KPNA7: variants seen among roughly 807,000 people sequenced by gnomAD.
KPNA7 encodes the protein karyopherin subunit alpha 7, also known as importin subunit alpha-8.
Under a neutral mutation model 53.7 loss-of-function variants are expected in KPNA7, and 54 were observed. That is an observed-to-expected ratio of 1.01 (90% CI 0.81 to 1.26). The LOEUF is 1.26. Among genes scored for constraint, KPNA7 ranks in the 50% most tolerant of loss-of-function variants. The pLI is 0.00. For missense variants in KPNA7, 640 were observed against 644.5 expected (o/e 0.99, Z 0.07); for synonymous variants, 276 against 259.3 (o/e 1.06, Z -0.62).
Position 99,195,070 on chromosome 7 carries a change from C to T in KPNA7, c.553G>A (p.Gly185Ser), listed in dbSNP as rs556130365. 12 of 1,551,118 alleles carry T rather than the reference C, an allele frequency of 7.7e-6. No homozygotes were observed. Among genetic ancestry groups the T allele is most frequent in the African/African-American group, 4.1e-5 (3 of 73,112 alleles). ...TAGCCCACTAAGGGGAGAGTCTCAC[C>T]GGCTATATTACCAAGAGCCCACACT... ...QAVWALGNIA[G>S]DGPEFRDNVI... Residue 185 changes from glycine to serine, a missense_variant and splice_region_variant, in exon 5 of 11, where the codon GGT becomes AGT. Transcript: ENST00000327442.
At chr7:99,168,665 A>AT (rs1032209149), downstream of KPNA7, among the ~76,000 whole-genome samples, 4 of 151,908 alleles carry the variant, frequency 2.6e-5, no homozygotes, top group African/African-American at 7.3e-5. Context: ...CATCCAGCTA[A>AT]TTTTTTTAAA....
At chr7:99,177,572 C>CAAAA (rs34717081) in intron 10 of KPNA7, among the ~76,000 whole-genome samples, 5 of 41,782 alleles carry the variant, frequency 1.2e-4, no homozygotes, top group African/African-American at 1.6e-4. Context: ...GAAACCATCT[C>CAAAA]AAAAAAAAAA....
chr7:99,213,430 TA>T (rs61231738), intron 1 of KPNA7, among the ~76,000 whole-genome samples: 33,897 of 72,596 alleles, frequency 0.47, 8,819 homozygotes, highest in East Asian at 0.65. Flanking sequence ...CCTGGCCTTT[TA>T]AAAAAAAAAA....
chr7:99,186,623 G>C (rs12532625), intron 7 of KPNA7, among the ~76,000 whole-genome samples: 2 of 151,788 alleles, frequency 1.3e-5, no homozygotes, highest in African/African-American at 4.8e-5. Context: ...CACACCTGTA[G>C]TCCCAGCTAC....
intron 8 of KPNA7, among the ~76,000 whole-genome samples, chr7:99,183,738 A>G (rs1227994571): frequency 3.3e-5 from 5 of 152,182 alleles, no homozygotes; most frequent in African/African-American, 1.2e-4. Context: ...ACTCCTGACT[A>G]TAGATGGTTT....
chr7:99,208,422 A>G (rs542194711), upstream of KPNA7, among the ~76,000 whole-genome samples: 43 of 151,828 alleles, frequency 2.8e-4, no homozygotes, highest in African/African-American at 9.9e-4. Context: ...CGCTCAGCAA[A>G]TTTTTTTGTA....
chr7:99,146,730 AAAAAAAAAAAAAAAAAAAC>A, the KPNA7 span, among the ~76,000 whole-genome samples: 1 of 132,626 alleles, frequency 7.5e-6, no homozygotes, highest in African/African-American at 3.1e-5. Context: ...AAAAAAAAAA[AAAAAAAAAAAAAAAAAAAC>A]AACGGAAAAT....
chr7:99,188,263 G>C (rs944290941), intron 7 of KPNA7, 37 bp downstream of exon 7: 2 of 1,521,270 alleles, frequency 1.3e-6, no homozygotes, highest in Non-Finnish European at 1.8e-6. Context: ...ACTATGACCC[G>C]AGGACTCGAA....
At chr7:99,150,570 A>G in the KPNA7 span, among the ~76,000 whole-genome samples, 1 of 151,654 alleles carries the variant, frequency 6.6e-6, no homozygotes, top group Non-Finnish European at 1.5e-5. Context: ...ATGCACCACT[A>G]CGCCTGGCTA....
chr7:99,214,383 CAGTG>C (rs2150788932), intron 1 of KPNA7, among the ~76,000 whole-genome samples: 2 of 150,940 alleles, frequency 1.3e-5, no homozygotes, highest in South Asian at 4.2e-4. Context: ...GCAGAGGTTA[CAGTG>C]AGCTGAGATC....
intron 9 of KPNA7, 66 bp downstream of exon 9, chr7:99,181,817 C>T (rs1337326702): frequency 4.6e-6 from 6 of 1,310,712 alleles, no homozygotes; most frequent in Non-Finnish European, 6.1e-6. Context: ...TTTTAAGAGC[C>T]ACATTAAATG....
chr7:99,184,154 CTT>C (rs34193595), intron 8 of KPNA7, among the ~76,000 whole-genome samples: 12,513 of 125,212 alleles, frequency 0.1, 581 homozygotes, highest in African/African-American at 0.16. Context: ...TGCCCACAAC[CTT>C]TTTTTTTTTT....
chr7:99,195,698 A>AT (rs1323185558), intron 4 of KPNA7, among the ~76,000 whole-genome samples: 2 of 152,102 alleles, frequency 1.3e-5, no homozygotes, highest in Non-Finnish European at 2.9e-5. Flanking sequence ...GTGAGACTCC[A>AT]TCTCAAAAGA....
At chr7:99,202,972 T>C in intron 3 of KPNA7, 134 bp downstream of exon 3, 1 of 1,077,128 alleles carries the variant, frequency 9.3e-7, no homozygotes, top group South Asian at 1.8e-5. Context: ...GCTCAAACCA[T>C]AATCTCTTCA....
chr7:99,168,414 T>C, the KPNA7 span, among the ~76,000 whole-genome samples: 2 of 152,140 alleles, frequency 1.3e-5, no homozygotes, highest in Non-Finnish European at 2.9e-5. Flanking sequence ...CCCCCTCCCC[T>C]CCCACATACA....
chr7:99,173,708 CTAT>C lies in KPNA7; in HGVS notation c.1548_1550del (p.Ter517delextTer12). 6.5e-7 allele frequency: 1 copy of C among 1,548,092 alleles called. No homozygotes were observed. Among genetic ancestry groups the C allele is most frequent in the South Asian group, 1.2e-5 (1 of 83,800 alleles). The stretch of plus-strand genomic sequence containing the variant: ...TTGGTTTAGGAGGTAGGGAGCTTGG[CTAT>C]TTTTTTGCTAAGCATTCATAATCTA... On this transcript the variant is annotated stop_lost and inframe_deletion, in exon 11 of 11. Coordinates refer to ENST00000327442, the MANE Select transcript of KPNA7 (RefSeq NM_001145715.3).
intron 1 of KPNA7, among the ~76,000 whole-genome samples, chr7:99,214,827 G>A (rs1162732001): frequency 6.6e-6 from 1 of 151,480 alleles, no homozygotes; most frequent in African/African-American, 2.4e-5. Flanking sequence ...TAGAAAGGAG[G>A]AAAGCCCATT....
At chr7:99,215,935 C>T (rs1313641356) in intron 1 of KPNA7, among the ~76,000 whole-genome samples, 1 of 151,588 alleles carries the variant, frequency 6.6e-6, no homozygotes, top group African/African-American at 2.4e-5. Flanking sequence ...TATGATTGCA[C>T]CACTACGCTC....
the KPNA7 span, among the ~76,000 whole-genome samples, chr7:99,146,731 A>C: frequency 7.6e-3 from 1,033 of 135,354 alleles, 14 homozygotes; most frequent in African/African-American, 0.031. Flanking sequence ...AAAAAAAAAA[A>C]AAAAAAAAAA....
Sources: gnomAD v4.1 joint callset for allele counts (sites outside exome capture counted in the v4.1 genomes callset) on GRCh38, gnomAD v4.1.1 for gene constraint, MANE v1.5 for transcripts, NCBI Gene and HGNC (gene_info 2026-07-23, HGNC 2026-07-21) for gene names.